The following RIMS2 variants were observed in gnomAD, a reference collection of about 807,000 sequenced individuals.
RIMS2 encodes the protein regulating synaptic membrane exocytosis protein 2.
Under a neutral mutation model 174.4 loss-of-function variants are expected in RIMS2, and 59 were observed. That is an observed-to-expected ratio of 0.34 (90% CI 0.27 to 0.42). The LOEUF (loss-of-function observed/expected upper bound fraction) is 0.42, where lower values mean the gene tolerates loss of function less well. Ranked by LOEUF, RIMS2 falls within the 10% of genes least tolerant of loss-of-function variation. RIMS2 has a pLI of 1.00. For missense variants in RIMS2, 1,620 were observed against 1,666.3 expected (o/e 0.97, Z 0.48); for synonymous variants, 606 against 572.5 (o/e 1.06, Z -0.84).
chr8:103,671,246 G>A (rs2096740691), intron 1 of RIMS2, among the ~76,000 whole-genome samples: 1 of 152,086 alleles, frequency 6.6e-6, no homozygotes, highest in Non-Finnish European at 1.5e-5. Flanking sequence ...CAAAACGTGG[G>A]AATTATGGGA....
chr8:103,681,546 G>A (rs2136708132), intron 1 of RIMS2, among the ~76,000 whole-genome samples: 1 of 151,994 alleles, frequency 6.6e-6, no homozygotes, highest in East Asian at 1.9e-4. Context: ...TAAAAAAAGT[G>A]TACATAGCAA....
chr8:104,067,049 A>T (rs895735610), intron 19 of RIMS2, among the ~76,000 whole-genome samples: 5 of 152,210 alleles, frequency 3.3e-5, no homozygotes, highest in African/African-American at 9.6e-5. Flanking sequence ...TCAGAAGGGG[A>T]TACCATAACT....
intron 19 of RIMS2, among the ~76,000 whole-genome samples, chr8:104,039,487 A>G (rs1236237577): frequency 6.6e-6 from 1 of 151,786 alleles, no homozygotes; most frequent in African/African-American, 2.4e-5. Flanking sequence ...AAAGTAATTC[A>G]AAATATAGGA....
chr8:103,894,641 G>A (rs965610978), intron 4 of RIMS2, among the ~76,000 whole-genome samples: 1 of 151,554 alleles, frequency 6.6e-6, no homozygotes. Flanking sequence ...AAATTTCAAT[G>A]ATAGGAAACA....
chr8:104,015,308 TAG>T, intron 19 of RIMS2: 2 of 515,500 alleles, frequency 3.9e-6, no homozygotes, highest in South Asian at 3.2e-5. Context: ...TTTTCTCTAG[TAG>T]ATAATACATT....
chr8:103,944,757 T>G (rs945007410), intron 14 of RIMS2, among the ~76,000 whole-genome samples: 1 of 152,082 alleles, frequency 6.6e-6, no homozygotes, highest in Admixed American at 6.6e-5. Context: ...AATGGCTGCA[T>G]GTAGTACCAT....
At chr8:104,251,535 A>G in intron 23 of RIMS2, 67 bp from the exon 30 acceptor site, 1 of 846,446 alleles carries the variant, frequency 1.2e-6, no homozygotes. Context: ...GTATTTTAAT[A>G]TATTTTACAA....
intron 20 of RIMS2, 139 bp downstream of exon 26, chr8:104,245,196 T>C (rs2099324296): frequency 1.0e-5 from 8 of 767,884 alleles, no homozygotes; most frequent in Non-Finnish European, 1.7e-5. Context: ...TGAAGAGAAC[T>C]TTGCTCACCT....
intron 3 of RIMS2, among the ~76,000 whole-genome samples, chr8:103,840,886 T>A (rs928305888): frequency 6.6e-6 from 1 of 152,194 alleles, no homozygotes; most frequent in Non-Finnish European, 1.5e-5. Context: ...ATAGCATAAG[T>A]GTATTTTAAG....
chr8:103,931,429 T>G, intron 12 of RIMS2, 36 bp downstream of exon 14: 1 of 1,458,424 alleles, frequency 6.9e-7, no homozygotes, highest in Non-Finnish European at 9.3e-7. Context: ...TTCTGGAAAA[T>G]AAATGAGAAA....
At chr8:104,078,941 A>G (rs1401688374) in intron 19 of RIMS2, among the ~76,000 whole-genome samples, 6 of 147,536 alleles carry the variant, frequency 4.1e-5, no homozygotes, top group Non-Finnish European at 8.8e-5. Flanking sequence ...TCGCGTAGCC[A>G]TAATTTTATG....
At chr8:103,858,656 C>T (rs1477007262) in intron 3 of RIMS2, among the ~76,000 whole-genome samples, 1 of 148,224 alleles carries the variant, frequency 6.7e-6, no homozygotes, top group Non-Finnish European at 1.5e-5. Flanking sequence ...TATAGGAAAC[C>T]TTAACCATAT....
At chr8:104,232,633 C>T (rs986738754) in intron 19 of RIMS2, among the ~76,000 whole-genome samples, 3 of 152,158 alleles carry the variant, frequency 2.0e-5, no homozygotes, top group African/African-American at 7.2e-5. Context: ...ACAGCTTGCA[C>T]CATTGTCAGG....
intron 19 of RIMS2, among the ~76,000 whole-genome samples, chr8:104,116,450 C>T (rs946172864): frequency 6.6e-6 from 1 of 151,886 alleles, no homozygotes; most frequent in Non-Finnish European, 1.5e-5. Context: ...TATAATATGA[C>T]CACCTAGATT....
chr8:103,512,190 G>C (rs1317181662), intron 1 of RIMS2, among the ~76,000 whole-genome samples: 1 of 152,190 alleles, frequency 6.6e-6, no homozygotes, highest in Non-Finnish European at 1.5e-5. Context: ...GAAACACCCA[G>C]AACCTTGAAG....
At chr8:104,151,549 C>T (rs576121337) in intron 19 of RIMS2, among the ~76,000 whole-genome samples, 16 of 150,294 alleles carry the variant, frequency 1.1e-4, no homozygotes, top group East Asian at 2.0e-4. Flanking sequence ...GCCTGGGTGA[C>T]GGAGCGAGAC....
intron 1 of RIMS2, among the ~76,000 whole-genome samples, chr8:103,666,633 T>C (rs1294503955): frequency 6.6e-6 from 1 of 152,174 alleles, no homozygotes; most frequent in Non-Finnish European, 1.5e-5. Flanking sequence ...TGGGGGGCTA[T>C]CTGCTTCTTT....
At chr8:104,252,379 G>T, downstream of RIMS2, 1 of 156,602 alleles carries the variant, frequency 6.4e-6, no homozygotes, top group Non-Finnish European at 1.4e-5. Flanking sequence ...TAGCTCCATG[G>T]GCACGTCAAT....
chr8:103,870,928 T>C (rs916024165), intron 3 of RIMS2, among the ~76,000 whole-genome samples: 2 of 152,172 alleles, frequency 1.3e-5, no homozygotes, highest in Non-Finnish European at 2.9e-5. Context: ...AGGATAAAAG[T>C]TCAGAATGCT....
Sources: gnomAD v4.1 joint callset for allele counts (sites outside exome capture counted in the v4.1 genomes callset) on GRCh38, gnomAD v4.1.1 for gene constraint, MANE v1.5 for transcripts, NCBI Gene and HGNC (gene_info 2026-07-23, HGNC 2026-07-21) for gene names.